Variants in SFI1 observed in about 807,000 individuals in gnomAD.
SFI1 encodes the protein protein SFI1 homolog.
SFI1 carries 195 observed loss-of-function variants against 207.5 expected under a neutral mutation model. The observed-to-expected ratio is 0.94, with a 90% CI of 0.84 to 1.06. The LOEUF (loss-of-function observed/expected upper bound fraction) is 1.06, where lower values mean the gene tolerates loss of function less well. SFI1 is among the 50% of genes least tolerant of loss of function. The pLI is 0.00. For missense variants in SFI1, 1,634 were observed against 1,588.0 expected (o/e 1.03, Z -0.49); for synonymous variants, 630 against 598.9 (o/e 1.05, Z -0.76).
intron 8 of SFI1, among the ~76,000 whole-genome samples, chr22:31,570,742 T>C (rs1227699543): frequency 6.6e-6 from 1 of 151,758 alleles, no homozygotes; most frequent in Non-Finnish European, 1.5e-5. Flanking sequence ...TCTGTTTTTT[T>C]AAAAAAAGCT....
chr22:31,531,134 T>C lies in SFI1; in HGVS notation c.338+5T>C, dbSNP rs764062866. On this transcript the variant is annotated splice_donor_5th_base_variant and intron_variant, in intron 4 of 32. Coordinates refer to ENST00000400288, the MANE Select transcript of SFI1 (RefSeq NM_001007467.3). ...AGTATTTCCCTCTAAAGCCAGGTAG[T>C]ATTAGCTCAGAACAACATAATTGTG... 2.5e-6 allele frequency: 4 copies of C among 1,608,672 alleles called. No homozygotes were observed. The highest frequency in any genetic ancestry group is 1.1e-5 in the South Asian group (1 of 90,566).
At chr22:31,522,064 C>CTTTTT (rs752422385) in intron 2 of SFI1, among the ~76,000 whole-genome samples, 5 of 76,382 alleles carry the variant, frequency 6.5e-5, no homozygotes, top group Admixed American at 1.9e-4. Context: ...TACACCTGGC[C>CTTTTT]TTTTTTTTTT....
At chr22:31,511,929 G>A (rs1381476871) in intron 2 of SFI1, among the ~76,000 whole-genome samples, 2 of 152,120 alleles carry the variant, frequency 1.3e-5, no homozygotes, top group Non-Finnish European at 2.9e-5. Context: ...TGGGATTACA[G>A]GTGTGAGTCA....
rs1447225500 is a variant in SFI1 at position 31,602,747 on chromosome 22, C to G, written c.1767C>G (p.Phe589Leu). ...GCCACGGGCGGCTCAAGAAAGCTTT[C>G]TGCCTCTGGAGGGAAAGTGCCCAAG... is the stretch of plus-strand genomic sequence containing the variant. ...HHRHGRLKKA[F>L]CLWRESAQGL... The change falls in exon 17 of 33, where the codon TTC becomes TTG. Residue 589 changes from phenylalanine to leucine, a missense_variant. By Grantham distance (22) the Phe-to-Leu change is conservative. Coordinates refer to ENST00000400288, the MANE Select transcript of SFI1 (RefSeq NM_001007467.3). The G allele has an allele frequency of 1.9e-6, 3 of 1,614,068 alleles. No individual in the cohort carries two copies. Among genetic ancestry groups the G allele is most frequent in the Admixed American group, 3.3e-5 (2 of 60,030 alleles).
At chr22:31,586,260 C>T (rs1229228288) in intron 14 of SFI1, among the ~76,000 whole-genome samples, 1 of 152,150 alleles carries the variant, frequency 6.6e-6, no homozygotes, top group East Asian at 1.9e-4. Context: ...TCCACCTCCA[C>T]CCCTACCCCA....
At chr22:31,526,386 C>T (rs2057914542) in intron 2 of SFI1, among the ~76,000 whole-genome samples, 1 of 152,072 alleles carries the variant, frequency 6.6e-6, no homozygotes, top group Non-Finnish European at 1.5e-5. Context: ...GGGAAAGCCC[C>T]ATATAAAACC....
At chr22:31,551,392 C>A (rs1415574485) in intron 6 of SFI1, among the ~76,000 whole-genome samples, 1 of 152,120 alleles carries the variant, frequency 6.6e-6, no homozygotes, top group Non-Finnish European at 1.5e-5. Flanking sequence ...CTTGATCTCC[C>A]CCAGCCCAGT....
chr22:31,591,601 A>AC lies in SFI1; in HGVS notation c.1544+2032dup, dbSNP rs1176621591. Among the ~76,000 whole-genome samples the AC allele has an allele frequency of 3.4e-3, 314 of 92,534 alleles. 3 individuals carry two copies. Among genetic ancestry groups the AC allele is most frequent in the Non-Finnish European group, 5.1e-3 (235 of 46,160 alleles). The allele number at this position is 92,534 out of a possible 152,430, so 60.7% of individuals were successfully genotyped here. A position where few individuals can be genotyped will look rare whatever the true frequency, so the allele number is the denominator to read the frequency against. On this transcript the variant is annotated intron_variant, in intron 15 of 32. Transcript: ENST00000400288. ...GGCGGCTGGCCGGGCAGGGGGGCTG[A>AC]CCCCCCCCACCTCCCTCCCGGACGG...
intron 15 of SFI1, among the ~76,000 whole-genome samples, chr22:31,598,843 G>C (rs1428384597): frequency 7.3e-6 from 1 of 136,384 alleles, no homozygotes; most frequent in Non-Finnish European, 1.6e-5. Flanking sequence ...GCCCAGGCTG[G>C]AGTGCAGTGG....
chr22:31,520,846 A>T (rs2057141967), intron 2 of SFI1, among the ~76,000 whole-genome samples: 1 of 151,410 alleles, frequency 6.6e-6, no homozygotes, highest in African/African-American at 2.4e-5. Flanking sequence ...AAGTAAAAAA[A>T]AAAAAAAAAT....
At chr22:31,601,217 G>A (rs1399150140) in intron 15 of SFI1, among the ~76,000 whole-genome samples, 2 of 148,626 alleles carry the variant, frequency 1.3e-5, no homozygotes, top group Non-Finnish European at 3.0e-5. Context: ...TCCGCCTCCC[G>A]GGTTCATGTC....
intron 15 of SFI1, among the ~76,000 whole-genome samples, chr22:31,598,198 A>G (rs1603295458): frequency 6.6e-6 from 1 of 151,628 alleles, no homozygotes. Flanking sequence ...TGTTAGCCAG[A>G]ATGGTCTGGA....
At chr22:31,548,502 G>A (rs2018100856) in intron 5 of SFI1, among the ~76,000 whole-genome samples, 1 of 151,950 alleles carries the variant, frequency 6.6e-6, no homozygotes, top group Admixed American at 6.6e-5. Flanking sequence ...AATTAGCCGG[G>A]CATGGCGGCA....
chr22:31,592,972 G>A (rs1486215143), intron 15 of SFI1, among the ~76,000 whole-genome samples: 3 of 116,542 alleles, frequency 2.6e-5, no homozygotes, highest in African/African-American at 3.6e-5. Flanking sequence ...GGGGCGGCTG[G>A]CCGGGCGGGG....
rs1229775008 is a variant in SFI1, at chr22:31,584,818, A to G, written c.1347-250A>G. 4.6e-5 allele frequency among the ~76,000 whole-genome samples: 7 copies of G among 152,196 alleles called. No homozygotes were observed. The South Asian group carries it at 1.5e-3, about 32-fold the overall frequency. ...CACATATTTCCTAAATTCCAGAGCT[A>G]CTGTGCTTTCGGTGGTCTAATTAGG... On this transcript the variant is annotated intron_variant, in intron 13 of 32. Transcript: ENST00000400288.
intron 15 of SFI1, 71 bp downstream of exon 15, chr22:31,589,648 T>C: frequency 4.0e-6 from 6 of 1,501,476 alleles, no homozygotes; most frequent in Non-Finnish European, 5.3e-6. Context: ...ACACAGCCCA[T>C]TTGCTGTGCT....
intron 4 of SFI1, among the ~76,000 whole-genome samples, chr22:31,540,318 C>T (rs2059362461): frequency 6.6e-6 from 1 of 151,230 alleles, no homozygotes; most frequent in African/African-American, 2.4e-5. Context: ...GAGTCTTACT[C>T]TGTCACCCAG....
intron 11 of SFI1, 67 bp from the exon 12 acceptor site, chr22:31,580,205 C>T (rs909601574): frequency 1.5e-6 from 2 of 1,296,372 alleles, no homozygotes; most frequent in African/African-American, 3.0e-5. Flanking sequence ...TTGCCTTCCT[C>T]TACTCTTAGT....
rs190110265 is a variant in SFI1 at position 31,546,982 on chromosome 22, A to T, written c.449+11A>T. ...TGACTGTCACTACAGGTCAGGTTTC[A>T]TGTTACACTCCTTCAGTTTTACTGA... On this transcript the variant is annotated intron_variant, in intron 5 of 32. Coordinates refer to ENST00000400288, the MANE Select transcript of SFI1 (RefSeq NM_001007467.3). 110 of 1,558,302 alleles carry T rather than the reference A, an allele frequency of 7.1e-5. No individual in the cohort carries two copies. Among genetic ancestry groups the T allele is most frequent in the Non-Finnish European group, 9.5e-5 (108 of 1,136,960 alleles).
Sources: allele counts gnomAD v4.1 joint callset (sites outside exome capture counted in the v4.1 genomes callset), GRCh38; gene constraint gnomAD v4.1.1; transcripts MANE v1.5; gene names NCBI Gene and HGNC (gene_info 2026-07-23, HGNC 2026-07-21).